CHN2: variants seen among roughly 807,000 people sequenced by gnomAD.
CHN2 encodes the protein chimerin 2.
In CHN2, 35 loss-of-function variants were observed where a neutral mutation model predicts 56.3. That is an observed-to-expected ratio of 0.62 (90% CI 0.47 to 0.82). The LOEUF (loss-of-function observed/expected upper bound fraction) is 0.82, where lower values mean the gene tolerates loss of function less well. Among genes scored for constraint, CHN2 ranks in the 40% least tolerant of loss-of-function variants. The pLI is 0.00. For synonymous variants in CHN2, 210 were observed against 212.8 expected (o/e 0.99, Z 0.12); for missense variants, 491 against 580.5 (o/e 0.85, Z 1.58).
intron 1 of CHN2, among the ~76,000 whole-genome samples, chr7:29,347,404 A>G (rs1404933066): frequency 6.6e-6 from 1 of 152,158 alleles, no homozygotes; most frequent in African/African-American, 2.4e-5. Context: ...TTATAAAGGA[A>G]AGAGGTGTAA....
At chr7:29,245,399 G>A (rs1486328909) in intron 1 of CHN2, among the ~76,000 whole-genome samples, 1 of 152,198 alleles carries the variant, frequency 6.6e-6, no homozygotes, top group Non-Finnish European at 1.5e-5. Flanking sequence ...ATTTAAGTTA[G>A]CACATACTTA....
intron 6 of CHN2, among the ~76,000 whole-genome samples, chr7:29,431,668 G>A (rs773852729): frequency 2.0e-5 from 3 of 152,218 alleles, no homozygotes; most frequent in Admixed American, 2.0e-4. Flanking sequence ...CAGTGAAAGT[G>A]GGAGTGAATG....
At chr7:29,230,336 C>A (rs1287305305) in intron 1 of CHN2, among the ~76,000 whole-genome samples, 5 of 152,064 alleles carry the variant, frequency 3.3e-5, no homozygotes, top group African/African-American at 1.2e-4. Context: ...ATAGTGTAAA[C>A]CCAATTCCTC....
chr7:29,398,267 G>A, intron 4 of CHN2, 106 bp from the exon 5 acceptor site: 1 of 797,798 alleles, frequency 1.3e-6, no homozygotes. Context: ...ACTCAGTTGT[G>A]GGGCTGTCGA....
chr7:29,267,694 A>G (rs774471886), intron 1 of CHN2, among the ~76,000 whole-genome samples: 4 of 152,178 alleles, frequency 2.6e-5, no homozygotes, highest in East Asian at 1.9e-4. Flanking sequence ...TGGAATGTCA[A>G]TGTGTCCCTG....
At chr7:29,452,210 G>A (rs1784455880) in intron 6 of CHN2, among the ~76,000 whole-genome samples, 1 of 152,200 alleles carries the variant, frequency 6.6e-6, no homozygotes, top group African/African-American at 2.4e-5. Flanking sequence ...TTTATTTCTA[G>A]TTTGCTTCTG....
At chr7:29,244,474 G>T (rs1443401733) in intron 1 of CHN2, among the ~76,000 whole-genome samples, 1 of 152,246 alleles carries the variant, frequency 6.6e-6, no homozygotes, top group Non-Finnish European at 1.5e-5. Flanking sequence ...CTTCAAGGCT[G>T]ATAGGTTTCA....
chr7:29,498,717 T>C (rs949804475), intron 8 of CHN2, among the ~76,000 whole-genome samples: 15 of 151,552 alleles, frequency 9.9e-5, no homozygotes, highest in African/African-American at 3.4e-4. Context: ...CAGCATTGAA[T>C]TTTTCCCTTT....
intron 6 of CHN2, among the ~76,000 whole-genome samples, chr7:29,479,510 A>G (rs954771415): frequency 6.6e-6 from 1 of 152,252 alleles, no homozygotes; most frequent in Non-Finnish European, 1.5e-5. Flanking sequence ...TGCATGCATA[A>G]GAATAAAAAT....
intron 1 of CHN2, among the ~76,000 whole-genome samples, chr7:29,288,554 A>T (rs74475785): frequency 0.023 from 3,514 of 152,192 alleles, 153 homozygotes; most frequent in African/African-American, 0.081. Context: ...TCAAAAATCC[A>T]TGTGGTCTTC....
chr7:29,193,675 G>A (rs1486128017), upstream of CHN2: 2 of 152,162 alleles, frequency 1.3e-5, no homozygotes, highest in African/African-American at 2.4e-5. Context: ...TAAATACAGG[G>A]GGAAGGGACA....
chr7:29,285,417 C>T (rs1161567605), intron 1 of CHN2, among the ~76,000 whole-genome samples: 5 of 152,186 alleles, frequency 3.3e-5, no homozygotes, highest in Non-Finnish European at 7.3e-5. Flanking sequence ...CTAGTGTTTG[C>T]CTGTGTTTCT....
intron 2 of CHN2, among the ~76,000 whole-genome samples, chr7:29,364,606 T>G (rs1799000387): frequency 6.6e-6 from 1 of 152,170 alleles, no homozygotes; most frequent in African/African-American, 2.4e-5. Flanking sequence ...ATAAAGGAAT[T>G]CCATGCAGCC....
chr7:29,212,752 G>T, intron 1 of CHN2: 1 of 1,610,182 alleles, frequency 6.2e-7, no homozygotes, highest in Middle Eastern at 1.7e-4. Flanking sequence ...TGAAATCTAA[G>T]AGGTGGCAGA....
intron 1 of CHN2, among the ~76,000 whole-genome samples, chr7:29,257,434 C>T (rs1789165553): frequency 1.3e-5 from 2 of 152,220 alleles, no homozygotes; most frequent in African/African-American, 4.8e-5. Flanking sequence ...TCTGCTGTCC[C>T]TGTTCCTTGG....
chr7:29,241,725 C>T (rs1248991646), intron 1 of CHN2, among the ~76,000 whole-genome samples: 2 of 151,988 alleles, frequency 1.3e-5, no homozygotes, highest in African/African-American at 2.4e-5. Flanking sequence ...GTAGTAGGTC[C>T]TGAAGGAACT....
intron 1 of CHN2, among the ~76,000 whole-genome samples, chr7:29,218,490 A>G (rs199848551): frequency 1.3e-5 from 2 of 152,150 alleles, no homozygotes; most frequent in Non-Finnish European, 1.5e-5. Flanking sequence ...GCTGCTATAA[A>G]GACACATGCA....
intron 1 of CHN2, among the ~76,000 whole-genome samples, chr7:29,204,065 C>CTGTGTG (rs755525736): frequency 1.7e-3 from 235 of 135,986 alleles, no homozygotes; most frequent in Middle Eastern, 3.6e-3. Flanking sequence ...TTTTCTCTCT[C>CTGTGTG]TCTGTGTGTG....
At chr7:29,244,460 A>AGG (rs1787918970) in intron 1 of CHN2, among the ~76,000 whole-genome samples, 1 of 152,198 alleles carries the variant, frequency 6.6e-6, no homozygotes, top group South Asian at 2.1e-4. Context: ...CAGCAAGGTG[A>AGG]GGGCTTCAAG....
Sources: gnomAD v4.1 joint callset for allele counts (sites outside exome capture counted in the v4.1 genomes callset) on GRCh38, gnomAD v4.1.1 for gene constraint, MANE v1.5 for transcripts, NCBI Gene and HGNC (gene_info 2026-07-23, HGNC 2026-07-21) for gene names.